PRR5: variants seen among roughly 807,000 people sequenced by gnomAD.
The protein encoded by PRR5 is proline-rich protein 5.
In PRR5, 25 loss-of-function variants were observed where a neutral mutation model predicts 30.6. The ratio of observed to expected loss-of-function variants is 0.82; its 90% CI spans 0.60 to 1.14. The LOEUF (loss-of-function observed/expected upper bound fraction) is 1.14. PRR5 is among the 50% of genes most tolerant of loss of function. The pLI, the probability that PRR5 is intolerant of heterozygous loss-of-function variation, is 0.00. For synonymous variants in PRR5, 286 were observed against 247.1 expected (o/e 1.16, Z -1.48); for missense variants, 600 against 547.1 (o/e 1.10, Z -0.96).
chr22:44,680,874 G>A (rs1421598448), intron 1 of PRR5, among the ~76,000 whole-genome samples: 1 of 152,184 alleles, frequency 6.6e-6, no homozygotes, highest in Non-Finnish European at 1.5e-5. Flanking sequence ...TGAGAACCTG[G>A]GGCAGGGCAG....
rs140970527 is a variant in PRR5 at position 44,730,580 on chromosome 22, C to T, written c.323-1150C>T. The T allele has an allele frequency of 1.9e-3, 1,898 of 989,696 alleles. 11 individuals are homozygous for T. Among genetic ancestry groups the T allele is most frequent in the African/African-American group, 0.014 (818 of 57,398 alleles). The allele number at this position is 989,696 out of a possible 1,614,324, so 61.3% of individuals were successfully genotyped here. ...AGCAGAAATCCTACAGAGCTGGTCC[C>T]GATGTCTGCTACCTACGTATCTGTT... On this transcript the variant is annotated intron_variant, in intron 4 of 7. Transcript: ENST00000336985.
At position 44,702,424 on chromosome 22, in the gene PRR5, A is replaced by AGGGCGCGGCGTGGGGCGCGCGT. The variant is rs766763745; in HGVS notation, c.-40_-19dup. The AGGGCGCGGCGTGGGGCGCGCGT allele has an allele frequency of 6.4e-6, 8 of 1,258,912 alleles. No homozygotes were observed. Among genetic ancestry groups the AGGGCGCGGCGTGGGGCGCGCGT allele is most frequent in the African/African-American group, 1.6e-5 (1 of 63,470 alleles). 78.0% of individuals were successfully genotyped at this position (1,258,912 alleles called of 1,614,324 possible). On this transcript the variant is annotated 5_prime_UTR_variant, in exon 1 of 8. Transcript: ENST00000336985. The stretch of plus-strand genomic sequence containing the variant: ...CGGGGCCCTTGGTGCGGCGTGGCGC[A>AGGGCGCGGCGTGGGGCGCGCGT]GGGCGCGGCGTGGGGCGCGCGTGGG...
At chr22:44,729,298 G>T (rs766054683) in intron 4 of PRR5, 17 of 961,850 alleles carry the variant, frequency 1.8e-5, no homozygotes, top group Non-Finnish European at 2.1e-5. Flanking sequence ...GCTGAAACAG[G>T]GTTGTTGGTT....
At chr22:44,724,657 A>T (rs1244865996) in intron 2 of PRR5, among the ~76,000 whole-genome samples, 1 of 152,104 alleles carries the variant, frequency 6.6e-6, no homozygotes, top group Non-Finnish European at 1.5e-5. Context: ...TTGAGTGCCA[A>T]GGTGGAGGTT....
At chr22:44,731,905 G>C in intron 5 of PRR5, 84 bp downstream of exon 5, 1 of 1,384,924 alleles carries the variant, frequency 7.2e-7, no homozygotes. Context: ...GGGCCGCCAG[G>C]CTTGGGGACA....
chr22:44,719,876 C>T (rs912856979), intron 2 of PRR5, among the ~76,000 whole-genome samples: 2 of 152,216 alleles, frequency 1.3e-5, no homozygotes, highest in African/African-American at 4.8e-5. Context: ...AAGCAGCAAA[C>T]CCCCTGGATG....
intron 1 of PRR5, among the ~76,000 whole-genome samples, chr22:44,713,023 A>G (rs547449538): frequency 4.6e-4 from 70 of 152,248 alleles, no homozygotes; most frequent in South Asian, 4.1e-4. Flanking sequence ...CAGACAGGAG[A>G]AGCAGTTGCT....
chr22:44,669,863 A>G (rs947857818), intron 1 of PRR5, among the ~76,000 whole-genome samples: 1 of 151,908 alleles, frequency 6.6e-6, no homozygotes, highest in Non-Finnish European at 1.5e-5. Context: ...CTGGATCTGG[A>G]GGCGGGAGGG....
chr22:44,689,311 A>G (rs1601963239), intron 1 of PRR5, among the ~76,000 whole-genome samples: 1 of 152,104 alleles, frequency 6.6e-6, no homozygotes, highest in African/African-American at 2.4e-5. Flanking sequence ...CAGCTTAGCC[A>G]CCTACCAGCT....
chr22:44,674,108 C>T (rs1193352574), upstream of PRR5, among the ~76,000 whole-genome samples: 4 of 151,994 alleles, frequency 2.6e-5, no homozygotes, highest in Non-Finnish European at 2.9e-5. Context: ...CATTGCAGCA[C>T]TACACCTACA....
upstream of PRR5, chr22:44,702,183 C>CCGCCCCCGGGT (rs1926402131): frequency 3.2e-6 from 3 of 938,254 alleles, no homozygotes; most frequent in Admixed American, 5.5e-5. Context: ...CGCCCCTGGG[C>CCGCCCCCGGGT]CCGCCCCCGG....
intron 7 of PRR5, 132 bp downstream of exon 7, chr22:44,735,294 A>C (rs1345970678): frequency 1.3e-5 from 17 of 1,301,958 alleles, no homozygotes; most frequent in Non-Finnish European, 1.8e-5. Flanking sequence ...GCCGGGCAGC[A>C]GCCCCCAGCC....
rs543044954 is a variant in PRR5, at chr22:44,736,878, C to T, written c.798C>T (p.His266=). 7.5e-6 allele frequency: 12 copies of T among 1,609,614 alleles called. No individual in the cohort carries two copies. The highest frequency in any genetic ancestry group is 5.0e-5 in the Admixed American group (3 of 59,916). Residue 266 remains histidine, a synonymous_variant, in exon 8 of 8, where the codon CAC becomes CAT. Coordinates refer to ENST00000336985, the MANE Select transcript of PRR5 (RefSeq NM_181333.4). Reference sequence around the variant, plus strand: ...CTCTGCTGAACCCCGTGCAGGAGCACGAGGCGGAGGGCGCGGCGGCCGGCG... The same window carrying T: ...CTCTGCTGAACCCCGTGCAGGAGCATGAGGCGGAGGGCGCGGCGGCCGGCG... ...NTPLLNPVQE[H]EAEGAAAGGT...
chr22:44,716,062 G>T (rs1362603099), intron 2 of PRR5, among the ~76,000 whole-genome samples: 1 of 152,232 alleles, frequency 6.6e-6, no homozygotes, highest in African/African-American at 2.4e-5. Context: ...GGTGTGAACA[G>T]CATTGGTAAT....
At chr22:44,675,683 G>A (rs891292704), upstream of PRR5, among the ~76,000 whole-genome samples, 2 of 152,148 alleles carry the variant, frequency 1.3e-5, no homozygotes, top group African/African-American at 2.4e-5. Flanking sequence ...TCTGGGAGGA[G>A]TAAACGAGGA....
chr22:44,732,312 G>C lies in PRR5; in HGVS notation c.476G>C (p.Ser159Thr). 1 of 1,612,418 alleles carries C rather than the reference G, an allele frequency of 6.2e-7. No homozygotes were observed. Among genetic ancestry groups the C allele is most frequent in the South Asian group, 1.1e-5 (1 of 91,056 alleles). ...LLHFRNAITL[S>T]VKLEDALARA... ...CACTTCCGGAATGCCATCACCCTCA[G>C]TGTGAAGCTAGAGGATGCGCTGGCC... is the stretch of plus-strand genomic sequence containing the variant. Residue 159 changes from serine (S) to threonine (T), a missense_variant, in exon 6 of 8, where the codon AGT (serine) becomes ACT (threonine). Coordinates refer to ENST00000336985, the MANE Select transcript of PRR5 (RefSeq NM_181333.4).
chr22:44,727,654 C>T (rs1265684973), intron 4 of PRR5, among the ~76,000 whole-genome samples: 2 of 152,228 alleles, frequency 1.3e-5, no homozygotes, highest in Non-Finnish European at 2.9e-5. Flanking sequence ...CCATACTCTT[C>T]ACTCTGCTGC....
intron 1 of PRR5, among the ~76,000 whole-genome samples, chr22:44,710,918 C>T (rs1158515891): frequency 6.6e-6 from 1 of 152,164 alleles, no homozygotes; most frequent in East Asian, 1.9e-4. Context: ...GCTGACCTTA[C>T]AGCACCCCGG....
Position 44,692,977 on chromosome 22 carries a change from A to G in PRR5, c.-10-9515A>G, listed in dbSNP as rs540507793. 3.3e-5 allele frequency among the ~76,000 whole-genome samples: 5 copies of G among 152,298 alleles called. No homozygotes were observed. The South Asian group carries it at 1.0e-3, about 32-fold the overall frequency. ...TTTGTGTTTTTCCCCTAAAGAAAGC[A>G]GAGCTAGAGGGAATGAGGGTGTCTC... On this transcript the variant is annotated intron_variant, in intron 1 of 8. Coordinates refer to the PRR5 transcript ENST00000006251.
Sources: allele counts gnomAD v4.1 joint callset (sites outside exome capture counted in the v4.1 genomes callset), GRCh38; gene constraint gnomAD v4.1.1; transcripts MANE v1.5; gene names NCBI Gene and HGNC (gene_info 2026-07-23, HGNC 2026-07-21).